MYLK: variants seen among roughly 807,000 people sequenced by gnomAD.
MYLK encodes myosin light chain kinase, also known as myosin light chain kinase, smooth muscle.
MYLK carries 106 observed loss-of-function variants against 203.4 expected under a neutral mutation model. The ratio of observed to expected loss-of-function variants is 0.52; its 90% CI spans 0.45 to 0.61. The LOEUF (loss-of-function observed/expected upper bound fraction) is 0.61. Ranked by LOEUF, MYLK falls within the 20% of genes least tolerant of loss-of-function variation. The pLI is 0.00. For synonymous variants in MYLK, 867 were observed against 959.5 expected, an observed-to-expected ratio of 0.90 and a Z score of 1.78; for missense variants, 2,072 against 2,442.3, an observed-to-expected ratio of 0.85 and a Z score of 3.20.
chr3:123,828,681 G>C (rs2066221368), intron 3 of MYLK, among the ~76,000 whole-genome samples: 2 of 152,148 alleles, frequency 1.3e-5, no homozygotes, highest in African/African-American at 4.8e-5. Context: ...CCTACAGGAT[G>C]GGAGAAAATA....
intron 13 of MYLK, among the ~76,000 whole-genome samples, chr3:123,713,106 T>A (rs114626423): frequency 6.6e-6 from 1 of 152,036 alleles, no homozygotes; most frequent in Non-Finnish European, 1.5e-5. Flanking sequence ...GATGAGTGAG[T>A]GAACTTGGGG....
At chr3:123,706,442 A>C (rs2061464423) in intron 16 of MYLK, among the ~76,000 whole-genome samples, 1 of 152,146 alleles carries the variant, frequency 6.6e-6, no homozygotes, top group Non-Finnish European at 1.5e-5. Flanking sequence ...ACAGGCGAGA[A>C]AGCCCCTTGC....
chr3:123,871,813 C>T (rs2032805211), intron 2 of MYLK, among the ~76,000 whole-genome samples: 1 of 126,356 alleles, frequency 7.9e-6, no homozygotes, highest in African/African-American at 2.8e-5. Flanking sequence ...ATAAGGCTAC[C>T]AATATACCCT....
chr3:123,659,441 TGTCA>T (rs1364995345), intron 23 of MYLK, among the ~76,000 whole-genome samples: 2 of 152,146 alleles, frequency 1.3e-5, no homozygotes, highest in Non-Finnish European at 1.5e-5. Context: ...ACGTAAGACT[TGTCA>T]CACAAGAGAA....
intron 3 of MYLK, among the ~76,000 whole-genome samples, chr3:123,802,324 C>T (rs1040430324): frequency 6.6e-5 from 10 of 152,256 alleles, no homozygotes; most frequent in Non-Finnish European, 1.3e-4. Context: ...CCAGCCCACT[C>T]TTGTCCCAAC....
intron 3 of MYLK, among the ~76,000 whole-genome samples, chr3:123,809,723 A>G (rs2065490674): frequency 6.6e-6 from 1 of 152,092 alleles, no homozygotes; most frequent in Non-Finnish European, 1.5e-5. Context: ...CTATTTGACA[A>G]TCCCAGTTGC....
intron 2 of MYLK, among the ~76,000 whole-genome samples, chr3:123,858,714 T>C (rs767681365): frequency 1.3e-5 from 2 of 152,158 alleles, no homozygotes; most frequent in Non-Finnish European, 2.9e-5. Flanking sequence ...TATCCATTCA[T>C]GAAGGCAGAG....
chr3:123,723,497 A>G (rs2062166710), intron 12 of MYLK, among the ~76,000 whole-genome samples: 2 of 152,308 alleles, frequency 1.3e-5, no homozygotes, highest in Admixed American at 1.3e-4. Context: ...TGACAATACC[A>G]GTGTATTCCC....
intron 13 of MYLK, among the ~76,000 whole-genome samples, chr3:123,721,639 G>T (rs1278824983): frequency 1.3e-5 from 2 of 151,658 alleles, no homozygotes; most frequent in African/African-American, 4.9e-5. Flanking sequence ...TGCACGCTGT[G>T]ACCCAGGGTC....
intron 2 of MYLK, among the ~76,000 whole-genome samples, chr3:123,842,874 A>G (rs2066627530): frequency 6.6e-6 from 1 of 152,272 alleles, no homozygotes; most frequent in South Asian, 2.1e-4. Context: ...CGTCACTTCT[A>G]TCACTAGACT....
intron 16 of MYLK, among the ~76,000 whole-genome samples, chr3:123,706,085 G>A (rs2061451596): frequency 6.6e-6 from 1 of 152,166 alleles, no homozygotes; most frequent in Non-Finnish European, 1.5e-5. Flanking sequence ...AGGGGGACCA[G>A]CAGCTCACAA....
chr3:123,830,550 T>G (rs1305389510), intron 3 of MYLK, among the ~76,000 whole-genome samples: 1 of 152,086 alleles, frequency 6.6e-6, no homozygotes, highest in Non-Finnish European at 1.5e-5. Flanking sequence ...AAATTATCAG[T>G]ATTATTTTTT....
intron 4 of MYLK, among the ~76,000 whole-genome samples, chr3:123,779,335 T>C (rs1439376652): frequency 6.6e-6 from 1 of 152,242 alleles, no homozygotes; most frequent in Non-Finnish European, 1.5e-5. Context: ...TTCAGGTGCC[T>C]GGCTCCCCTC....
At chr3:123,657,828 T>C (rs2059438564) in intron 23 of MYLK, among the ~76,000 whole-genome samples, 1 of 152,248 alleles carries the variant, frequency 6.6e-6, no homozygotes, top group Non-Finnish European at 1.5e-5. Flanking sequence ...TGTGTGTGTC[T>C]GTCCTTCAGG....
intron 4 of MYLK, among the ~76,000 whole-genome samples, chr3:123,752,933 A>G (rs930947750): frequency 2.0e-5 from 3 of 152,332 alleles, no homozygotes; most frequent in Admixed American, 1.3e-4. Flanking sequence ...ACATGCTAAT[A>G]AATCACTTGG....
chr3:123,748,481 C>T (rs2063089409), intron 5 of MYLK, among the ~76,000 whole-genome samples: 1 of 152,198 alleles, frequency 6.6e-6, no homozygotes, highest in African/African-American at 2.4e-5. Context: ...TCTAGAACTG[C>T]ACTGTTCAAA....
intron 2 of MYLK, among the ~76,000 whole-genome samples, chr3:123,857,058 A>C (rs2031458583): frequency 1.3e-5 from 2 of 152,238 alleles, no homozygotes; most frequent in Non-Finnish European, 2.9e-5. Flanking sequence ...GCTCACCATC[A>C]CTGGCCATCA....
At position 123,652,897 on chromosome 3, in the gene MYLK, GC is replaced by G. The variant is rs1156667475; in HGVS notation, c.4289-3704del. 2.6e-4 allele frequency among the ~76,000 whole-genome samples: 40 copies of G among 152,262 alleles called. No individual in the cohort carries two copies. In the East Asian group the frequency reaches 7.0e-3, roughly 27 times the overall value. The stretch of plus-strand genomic sequence containing the variant: ...TTAGGAGTGGCTCTGGCATAGAGAA[GC>G]CACTGGAGCTCCACGGGGAACCCAT... On this transcript the variant is annotated intron_variant, in intron 24 of 33. Coordinates refer to ENST00000360304, the MANE Select transcript of MYLK (RefSeq NM_053025.4).
At chr3:123,846,272 G>A (rs574968929) in intron 2 of MYLK, among the ~76,000 whole-genome samples, 102 of 152,290 alleles carry the variant, frequency 6.7e-4, no homozygotes, top group African/African-American at 2.4e-3. Flanking sequence ...TTGTGTGAAT[G>A]CACAGAAAGA....
Sources: allele counts gnomAD v4.1 joint callset (sites outside exome capture counted in the v4.1 genomes callset), GRCh38; gene constraint gnomAD v4.1.1; transcripts MANE v1.5; gene names NCBI Gene and HGNC (gene_info 2026-07-23, HGNC 2026-07-21).